Variants in MRNIP observed in about 807,000 individuals in gnomAD.
The protein encoded by MRNIP is MRN complex interacting protein.
In MRNIP, 30 loss-of-function variants were observed where a neutral mutation model predicts 29.8. The observed-to-expected ratio is 1.01, with a 90% confidence interval of 0.75 to 1.36. The LOEUF is 1.36. MRNIP is among the 40% of genes most tolerant of loss of function. MRNIP has a pLI of 0.00. For synonymous variants in MRNIP, 201 were observed against 164.1 expected, an observed-to-expected ratio of 1.23 and a Z score of -1.72; for missense variants, 459 against 423.5, an observed-to-expected ratio of 1.08 and a Z score of -0.74.
chr5:179,849,624 T>C (rs1207563753), intron 2 of MRNIP, among the ~76,000 whole-genome samples: 2 of 146,218 alleles, frequency 1.4e-5, no homozygotes, highest in East Asian at 2.1e-4. Flanking sequence ...GCATGGATCC[T>C]GCAATGACAC....
chr5:179,855,041 A>G (rs1759520583), intron 1 of MRNIP, among the ~76,000 whole-genome samples: 1 of 152,238 alleles, frequency 6.6e-6, no homozygotes, highest in Non-Finnish European at 1.5e-5. Context: ...GGAAAACCCT[A>G]TCATTATTTA....
At chr5:179,842,557 G>A (rs1210112659) in intron 4 of MRNIP, among the ~76,000 whole-genome samples, 2 of 150,776 alleles carry the variant, frequency 1.3e-5, no homozygotes, top group Non-Finnish European at 3.0e-5. Context: ...AAAATTAGCC[G>A]GGCGTGATGG....
rs149810748 is a variant in MRNIP, at chr5:179,851,806, A to G, written c.126+1572T>C. ...ATCCTGGCTAACATGGTGAAACCCC[A>G]TCTCTACTAAAAATACAAAATATTA... On this transcript the variant is annotated intron_variant, in intron 2 of 6. Transcript: ENST00000292586. 3.6e-3 allele frequency among the ~76,000 whole-genome samples: 548 copies of G among 151,760 alleles called. 3 individuals are homozygous for G. Among genetic ancestry groups the G allele is most frequent in the East Asian group, 0.024 (122 of 5,150 alleles).
chr5:179,849,247 C>A (rs1488692687), intron 2 of MRNIP, among the ~76,000 whole-genome samples: 2 of 130,016 alleles, frequency 1.5e-5, no homozygotes, highest in Non-Finnish European at 1.6e-5. Context: ...GCAGATGGTA[C>A]AAGATGGAAT....
chr5:179,850,304 G>A (rs1380780783), intron 2 of MRNIP, among the ~76,000 whole-genome samples: 1 of 152,264 alleles, frequency 6.6e-6, no homozygotes, highest in African/African-American at 2.4e-5. Context: ...CAGCTTCAGG[G>A]TGTGACAGCC....
chr5:179,857,495 C>T (rs181350381), intron 1 of MRNIP, among the ~76,000 whole-genome samples: 2 of 152,024 alleles, frequency 1.3e-5, no homozygotes, highest in East Asian at 1.9e-4. Flanking sequence ...TAAAAATAAA[C>T]GGAAAATTTG....
At chr5:179,845,673 T>G (rs1411081924) in intron 3 of MRNIP, among the ~76,000 whole-genome samples, 2 of 151,234 alleles carry the variant, frequency 1.3e-5, no homozygotes, top group African/African-American at 2.4e-5. Flanking sequence ...CTTTTGTATT[T>G]TTAGTAAAGA....
At chr5:179,857,687 A>G (rs1451756559) in intron 1 of MRNIP, among the ~76,000 whole-genome samples, 1 of 152,114 alleles carries the variant, frequency 6.6e-6, no homozygotes, top group Non-Finnish European at 1.5e-5. Flanking sequence ...CATACTCAGC[A>G]TCTTGCTGAC....
chr5:179,838,312 G>A (rs977468980), intron 6 of MRNIP: 4 of 230,178 alleles, frequency 1.7e-5, no homozygotes, highest in East Asian at 1.0e-4. Flanking sequence ...TGGCAGCACC[G>A]AGCTCCCTGT....
chr5:179,842,993 A>G (rs182481292), intron 4 of MRNIP, among the ~76,000 whole-genome samples: 13 of 138,344 alleles, frequency 9.4e-5, no homozygotes, highest in African/African-American at 3.3e-4. Context: ...AGATCACGCC[A>G]CTGCACTCCG....
At position 179,837,483 on chromosome 5, in the gene MRNIP, C is replaced by T; in HGVS notation, c.940G>A (p.Gly314Ser). 6.2e-7 allele frequency: 1 copy of T among 1,614,108 alleles called. No homozygotes were observed. Among genetic ancestry groups the T allele is most frequent in the Non-Finnish European group, 8.5e-7 (1 of 1,179,946 alleles). Residue 314 changes from glycine to serine, a missense_variant, in exon 7 of 7, where the codon GGT becomes AGT. By Grantham distance (56) the Gly-to-Ser change is moderately conservative (BLOSUM62 0). Transcript: ENST00000292586. Reference protein sequence around the residue: ...SWDARTPWAEGGPLVLEAQNP... With the variant: ...SWDARTPWAESGPLVLEAQNP... ...TGTGCCTCCAGGACCAGGGGCCCAC[C>T]CTCTGCCCAGGGAGTCCTTGCGTCC...
intron 4 of MRNIP, 102 bp from the exon 5 acceptor site, chr5:179,842,166 G>T: frequency 3.5e-6 from 4 of 1,154,078 alleles, no homozygotes; most frequent in East Asian, 2.3e-5. Flanking sequence ...CAGGAGTCAT[G>T]TCCAGCTCCA....
chr5:179,844,052 G>A (rs1258536069), intron 4 of MRNIP, 100 bp downstream of exon 4: 3 of 921,210 alleles, frequency 3.3e-6, no homozygotes, highest in Non-Finnish European at 5.2e-6. Flanking sequence ...TCATTGGGTG[G>A]CATCAACACA....
At chr5:179,842,903 C>G (rs35487222) in intron 4 of MRNIP, among the ~76,000 whole-genome samples, 3,233 of 150,938 alleles carry the variant, frequency 0.021, 126 homozygotes, top group African/African-American at 0.073. Flanking sequence ...CGTGGTGGTG[C>G]GTGCCTGTAA....
intron 1 of MRNIP, among the ~76,000 whole-genome samples, chr5:179,856,525 A>G (rs558309561): frequency 2.1e-4 from 32 of 152,092 alleles, no homozygotes; most frequent in African/African-American, 7.5e-4. Context: ...GCTGGAGTGC[A>G]GTGGTGTGAA....
chr5:179,858,351 G>A (rs564963493), intron 1 of MRNIP, among the ~76,000 whole-genome samples: 2 of 152,300 alleles, frequency 1.3e-5, no homozygotes, highest in South Asian at 2.1e-4. Flanking sequence ...AGGGCGCCCA[G>A]GTGTGGAGCA....
intron 3 of MRNIP, chr5:179,846,200 C>G (rs566042269): frequency 6.6e-6 from 1 of 152,088 alleles, no homozygotes; most frequent in South Asian, 2.1e-4. Flanking sequence ...TCTTTTGCTC[C>G]TGGTGGTGTA....
At chr5:179,857,135 G>A (rs541556655) in intron 1 of MRNIP, among the ~76,000 whole-genome samples, 2 of 151,848 alleles carry the variant, frequency 1.3e-5, no homozygotes, top group Non-Finnish European at 2.9e-5. Context: ...GAACATGGAA[G>A]AGTGAAACAG....
chr5:179,853,899 A>G (rs942493990), intron 1 of MRNIP, among the ~76,000 whole-genome samples: 1 of 151,738 alleles, frequency 6.6e-6, no homozygotes, highest in Non-Finnish European at 1.5e-5. Flanking sequence ...TTTAGTAGAG[A>G]TGGGGTTTCA....
Sources: gnomAD v4.1 joint callset for allele counts (sites outside exome capture counted in the v4.1 genomes callset) on GRCh38, gnomAD v4.1.1 for gene constraint, MANE v1.5 for transcripts, NCBI Gene and HGNC (gene_info 2026-07-23, HGNC 2026-07-21) for gene names.